COLQ: variants seen among roughly 807,000 people sequenced by gnomAD.
COLQ encodes the protein acetylcholinesterase collagenic tail peptide.
In COLQ, 48 loss-of-function variants were observed where a neutral mutation model predicts 69.0. That is an observed-to-expected ratio of 0.70 (90% CI 0.55 to 0.88). The LOEUF is 0.88. Ranked by LOEUF, COLQ falls within the 40% of genes least tolerant of loss-of-function variation. COLQ has a pLI of 0.00. For synonymous variants in COLQ, 217 were observed against 211.2 expected (o/e 1.03, Z -0.24); for missense variants, 618 against 594.6 (o/e 1.04, Z -0.41).
At chr3:15,499,328 T>G (rs2062799452) in intron 1 of COLQ, among the ~76,000 whole-genome samples, 1 of 152,234 alleles carries the variant, frequency 6.6e-6, no homozygotes, top group African/African-American at 2.4e-5. Flanking sequence ...AAGACAAGAT[T>G]ATTATTATAC....
At chr3:15,497,098 C>T (rs1339842387) in intron 1 of COLQ, among the ~76,000 whole-genome samples, 2 of 135,846 alleles carry the variant, frequency 1.5e-5, no homozygotes, top group Admixed American at 8.6e-5. Context: ...GGCTGGAGTG[C>T]AGTGGTGGGT....
Position 15,458,180 on chromosome 3 carries a change from C to A in COLQ, c.954+6G>T. On this transcript the variant is annotated splice_donor_region_variant and intron_variant, in intron 13 of 16. Transcript: ENST00000383788. The stretch of plus-strand genomic sequence containing the variant: ...ACCACCCCAGACTTCTCCCAGAAAG[C>A]CTTACCACAGGAACTCGCGGGGAAC... 1 of 1,613,230 alleles carries A rather than the reference C, an allele frequency of 6.2e-7. No homozygotes were observed. The highest frequency in any genetic ancestry group is 8.5e-7 in the Non-Finnish European group (1 of 1,180,016).
At position 15,519,124 on chromosome 3, in the gene COLQ, G is replaced by A. The variant is rs182859044; in HGVS notation, c.106+2396C>T. ...AGGGGGGCAAAGCCAAGTGACCACC[G>A]GAGAAAACATATCTTTGTGATACTG... On this transcript the variant is annotated intron_variant, in intron 1 of 16. Coordinates refer to ENST00000383788, the MANE Select transcript of COLQ (RefSeq NM_005677.4). 2.8e-4 allele frequency among the ~76,000 whole-genome samples: 42 copies of A among 152,092 alleles called. No homozygotes were observed. The East Asian group carries it at 3.3e-3, about 12-fold the overall frequency.
At chr3:15,502,113 ATTTT>A (rs61521157) in intron 1 of COLQ, among the ~76,000 whole-genome samples, 87 of 128,526 alleles carry the variant, frequency 6.8e-4, no homozygotes, top group East Asian at 2.9e-3. Context: ...ACTTGCACTG[ATTTT>A]TTTTTTTTTT....
chr3:15,500,179 G>A (rs2062812125), intron 1 of COLQ, among the ~76,000 whole-genome samples: 1 of 152,170 alleles, frequency 6.6e-6, no homozygotes, highest in Non-Finnish European at 1.5e-5. Flanking sequence ...GATGGGAGGA[G>A]TGGGAGGTGA....
At chr3:15,481,641 G>GT (rs1315597450) in intron 3 of COLQ, among the ~76,000 whole-genome samples, 1 of 152,186 alleles carries the variant, frequency 6.6e-6, no homozygotes, top group Non-Finnish European at 1.5e-5. Flanking sequence ...TTGAAGTCAG[G>GT]TAGTGTGATG....
At chr3:15,457,042 C>T (rs771950154) in intron 13 of COLQ, among the ~76,000 whole-genome samples, 4 of 152,030 alleles carry the variant, frequency 2.6e-5, no homozygotes, top group Admixed American at 6.6e-5. Flanking sequence ...AGGCTGGTTG[C>T]GAGCTCCTGA....
chr3:15,489,959 T>C (rs2062637162), intron 1 of COLQ, among the ~76,000 whole-genome samples: 1 of 152,220 alleles, frequency 6.6e-6, no homozygotes, highest in Non-Finnish European at 1.5e-5. Flanking sequence ...ACAGATTTCA[T>C]CATATGCCCC....
chr3:15,520,444 A>T (rs1188287435), intron 1 of COLQ, among the ~76,000 whole-genome samples: 2 of 152,214 alleles, frequency 1.3e-5, no homozygotes, highest in African/African-American at 4.8e-5. Context: ...AGCAGTTGGG[A>T]GCTGGATTCA....
Position 15,451,212 on chromosome 3 carries a change from C to A in COLQ, c.*432G>T. ...GGGCTGCCCAGTGTGAGTGAGAATG[C>A]CTGCACGTTTCGGTGGTCAGGGGCG... On this transcript the variant is annotated 3_prime_UTR_variant, in exon 17 of 17. Transcript: ENST00000383788. 3.8e-6 allele frequency: 1 copy of A among 260,328 alleles called. No homozygotes were observed. The highest frequency in any genetic ancestry group is 7.7e-6 in the Non-Finnish European group (1 of 130,560). The allele number at this position is 260,328 out of a possible 1,614,324, so 16.1% of individuals were successfully genotyped here. A position where few individuals can be genotyped will look rare whatever the true frequency, so the allele number is the denominator to read the frequency against.
chr3:15,514,168 A>G (rs2063024282), intron 1 of COLQ, among the ~76,000 whole-genome samples: 1 of 152,220 alleles, frequency 6.6e-6, no homozygotes, highest in African/African-American at 2.4e-5. Flanking sequence ...CCTTGATTTC[A>G]GACTTCTGAC....
chr3:15,453,797 G>T, intron 16 of COLQ, 32 bp downstream of exon 16: 3 of 1,373,944 alleles, frequency 2.2e-6, no homozygotes, highest in Middle Eastern at 1.8e-4. Context: ...GGAGAAAGAA[G>T]GGGGAGAGGG....
chr3:15,518,365 T>C (rs1469862759), intron 1 of COLQ, among the ~76,000 whole-genome samples: 1 of 152,214 alleles, frequency 6.6e-6, no homozygotes, highest in African/African-American at 2.4e-5. Flanking sequence ...CCCAATTTAA[T>C]ATGCTATATA....
In COLQ at chr3:15,516,218, A is replaced by G. The variant is rs990184033; in HGVS notation, c.106+5302T>C. Among the ~76,000 whole-genome samples the G allele has an allele frequency of 5.3e-5, 8 of 152,198 alleles. 1 individual carries two copies. In the South Asian group the frequency reaches 6.2e-4, roughly 12 times the overall value. ...GAGATGGCTGGCAAGTGCATTACGG[A>G]GCATTAAACAATAGCTGATCAGCAT... On this transcript the variant is annotated intron_variant, in intron 1 of 16. Coordinates refer to ENST00000383788, the MANE Select transcript of COLQ (RefSeq NM_005677.4).
intron 1 of COLQ, among the ~76,000 whole-genome samples, chr3:15,512,169 A>C (rs1264955842): frequency 1.3e-5 from 2 of 152,230 alleles, no homozygotes; most frequent in Admixed American, 1.3e-4. Context: ...AGAGTGGTAC[A>C]GAAGGATGAG....
intron 1 of COLQ, among the ~76,000 whole-genome samples, chr3:15,499,621 T>C (rs2062804475): frequency 6.6e-6 from 1 of 152,228 alleles, no homozygotes; most frequent in South Asian, 2.1e-4. Flanking sequence ...CACTATAACC[T>C]TCAAAAGAAA....
chr3:15,489,645 G>C lies in COLQ; in HGVS notation c.107-8C>G, dbSNP rs1373147161. 7 of 1,613,526 alleles carry C rather than the reference G, an allele frequency of 4.3e-6. No homozygotes were observed. Among genetic ancestry groups the C allele is most frequent in the East Asian group, 2.2e-5 (1 of 44,880 alleles). On this transcript the variant is annotated splice_polypyrimidine_tract_variant and splice_region_variant and intron_variant, in intron 1 of 16. Coordinates refer to ENST00000383788, the MANE Select transcript of COLQ (RefSeq NM_005677.4). ...GATCCAGGCTGGGAAGGGCTGTTCA[G>C]AGAAAACTGCCGCTCGTTAGCATGT...
chr3:15,458,410 GAAAA>G lies in COLQ; in HGVS notation c.815-89_815-86del. The G allele has an allele frequency of 3.3e-6, 5 of 1,496,906 alleles. No homozygotes were observed. The South Asian group carries it at 5.7e-5, about 17-fold the overall frequency. 92.7% of individuals were successfully genotyped at this position (1,496,906 alleles called of 1,614,324 possible). A position where few individuals can be genotyped will look rare whatever the true frequency, so the allele number is the denominator to read the frequency against. On this transcript the variant is annotated intron_variant, in intron 12 of 16. Transcript: ENST00000383788. ...GGAGATGTGAGCGACCTTTGCAACA[GAAAA>G]AAGGTTAAAGTCCACAGCATTTCAG...
At position 15,451,580 on chromosome 3, in the gene COLQ, T is replaced by G. The variant is rs2061941908; in HGVS notation, c.*64A>C. ...GAGACGGGGCCAGGACATGGCCAGT[T>G]TGATGACAGTGGAGAAGCTGCTGCC... On this transcript the variant is annotated 3_prime_UTR_variant, in exon 17 of 17. Transcript: ENST00000383788. 1.3e-6 allele frequency: 2 copies of G among 1,492,688 alleles called. No individual in the cohort carries two copies. The highest frequency in any genetic ancestry group is 1.7e-5 in the Admixed American group (1 of 59,864). 92.5% of individuals were successfully genotyped at this position (1,492,688 alleles called of 1,614,324 possible).
Sources: allele counts gnomAD v4.1 joint callset (sites outside exome capture counted in the v4.1 genomes callset), GRCh38; gene constraint gnomAD v4.1.1; transcripts MANE v1.5; gene names NCBI Gene and HGNC (gene_info 2026-07-23, HGNC 2026-07-21).